FIRRM: variants seen among roughly 807,000 people sequenced by gnomAD.
FIRRM encodes the protein FIGNL1 interacting regulator of recombination and mitosis.
the FIRRM span, chr1:169,806,056 A>C: frequency 6.3e-7 from 1 of 1,599,794 alleles, no homozygotes; most frequent in African/African-American, 1.3e-5. Context: ...TGGACCATGC[A>C]TTTCATGCCA....
chr1:169,810,434 A>G, the FIRRM span, among the ~76,000 whole-genome samples: 130 of 152,164 alleles, frequency 8.5e-4, no homozygotes, highest in African/African-American at 3.0e-3. Context: ...CAGTGTGTCA[A>G]TAGGGCCATG....
the FIRRM span, chr1:169,852,825 GGAA>G: frequency 6.2e-7 from 1 of 1,614,066 alleles, no homozygotes; most frequent in Admixed American, 1.7e-5. Context: ...AGTTCCCCTG[GGAA>G]GAAGAGTACA....
chr1:169,813,521 T>G, the FIRRM span, among the ~76,000 whole-genome samples: 1 of 152,262 alleles, frequency 6.6e-6, no homozygotes, highest in Non-Finnish European at 1.5e-5. Context: ...GGTTTTGATT[T>G]ATTTTGGGGG....
the FIRRM span, among the ~76,000 whole-genome samples, chr1:169,840,496 G>GTT: frequency 1.3e-5 from 2 of 150,212 alleles, no homozygotes; most frequent in Non-Finnish European, 3.0e-5. Flanking sequence ...ACAGGATCGT[G>GTT]TTCTTTTCTT....
chr1:169,828,335 G>C, the FIRRM span, among the ~76,000 whole-genome samples: 91 of 152,240 alleles, frequency 6.0e-4, no homozygotes, highest in African/African-American at 2.1e-3. Context: ...ACCTGGCTCT[G>C]AGCTTCCTAT....
chr1:169,802,604 T>G, the FIRRM span: 1 of 1,527,390 alleles, frequency 6.5e-7, no homozygotes, highest in Non-Finnish European at 9.0e-7. Flanking sequence ...TGTTTATTAC[T>G]TGATTTGTTT....
At chr1:169,793,884 C>T in the FIRRM span, 1 of 431,316 alleles carries the variant, frequency 2.3e-6, no homozygotes, top group African/African-American at 2.1e-5. Context: ...CTTTGGTCCT[C>T]TTTCCAAGCA....
At chr1:169,792,927 C>A in the FIRRM span, 2 of 1,614,066 alleles carry the variant, frequency 1.2e-6, no homozygotes, top group South Asian at 1.1e-5. Flanking sequence ...AGTTGTGTTA[C>A]TTTTGGTTTC....
the FIRRM span, among the ~76,000 whole-genome samples, chr1:169,825,088 A>C: frequency 6.6e-5 from 10 of 152,192 alleles, no homozygotes; most frequent in African/African-American, 2.4e-4. Context: ...CCTTCAGTGC[A>C]CACACGCACA....
At chr1:169,787,048 A>G in the FIRRM span, among the ~76,000 whole-genome samples, 3 of 152,148 alleles carry the variant, frequency 2.0e-5, no homozygotes, top group Non-Finnish European at 4.4e-5. Flanking sequence ...TTTCAGAACT[A>G]TGCTGCTGCT....
the FIRRM span, chr1:169,801,103 T>G: frequency 1.8e-6 from 1 of 541,110 alleles, no homozygotes; most frequent in Non-Finnish European, 3.3e-6. Flanking sequence ...AGTAAGTAGA[T>G]CTCATGTGAG....
chr1:169,853,700 C>G, the FIRRM span: 1 of 1,611,622 alleles, frequency 6.2e-7, no homozygotes. Context: ...TAAAGTTTAA[C>G]TCACATCTAT....
At chr1:169,804,119 C>A in the FIRRM span, 11 of 1,555,300 alleles carry the variant, frequency 7.1e-6, no homozygotes, top group African/African-American at 1.4e-5. Flanking sequence ...TAGTTTCAGA[C>A]CTTCTCCAGG....
At chr1:169,853,617 C>T in the FIRRM span, 1 of 1,335,136 alleles carries the variant, frequency 7.5e-7, no homozygotes, top group Non-Finnish European at 1.1e-6. Flanking sequence ...AAGCAGGCCA[C>T]TTTGGGGTTT....
chr1:169,827,873 C>G, the FIRRM span: 6 of 1,607,956 alleles, frequency 3.7e-6, no homozygotes, highest in East Asian at 1.3e-4. Context: ...GTCATATTAC[C>G]AATGGTTAAG....
At chr1:169,844,789 A>G in the FIRRM span, among the ~76,000 whole-genome samples, 1 of 152,192 alleles carries the variant, frequency 6.6e-6, no homozygotes, top group African/African-American at 2.4e-5. Flanking sequence ...AAAAACCCAA[A>G]TAAAGTTCTA....
the FIRRM span, among the ~76,000 whole-genome samples, chr1:169,784,615 GT>G: frequency 7.9e-5 from 12 of 152,244 alleles, no homozygotes; most frequent in African/African-American, 2.9e-4. Flanking sequence ...AAAACTCTCA[GT>G]TACCTGTTGT....
At chr1:169,785,699 T>C in the FIRRM span, among the ~76,000 whole-genome samples, 2,663 of 152,226 alleles carry the variant, frequency 0.017, 83 homozygotes, top group African/African-American at 0.06. Context: ...ATAAGGGGCA[T>C]GGCAGGCCAA....
chr1:169,812,209 TGA>T, the FIRRM span, among the ~76,000 whole-genome samples: 1 of 152,200 alleles, frequency 6.6e-6, no homozygotes, highest in African/African-American at 2.4e-5. Context: ...TCCTCTTGAA[TGA>T]GAGAGAAAAT....
Sources: gnomAD v4.1 joint callset for allele counts (sites outside exome capture counted in the v4.1 genomes callset) on GRCh38, gnomAD v4.1.1 for gene constraint, MANE v1.5 for transcripts, NCBI Gene and HGNC (gene_info 2026-07-23, HGNC 2026-07-21) for gene names.